Variants in IL1RAPL1 observed in about 807,000 individuals in gnomAD.
IL1RAPL1 encodes the protein interleukin 1 receptor accessory protein like 1, also known as interleukin-1 receptor accessory protein-like 1.
Under a neutral mutation model 48.4 loss-of-function variants are expected in IL1RAPL1, and 3 were observed. The observed-to-expected ratio is 0.06, with a 90% CI of 0.03 to 0.16. The LOEUF is 0.16. Ranked by LOEUF, IL1RAPL1 falls within the 10% of genes least tolerant of loss-of-function variation. The pLI is 1.00. For missense variants in IL1RAPL1, 349 were observed against 530.6 expected (o/e 0.66, Z 3.36); for synonymous variants, 185 against 187.7 (o/e 0.99, Z 0.12).
At chrX:29,056,064 T>G (rs1001727218) in intron 2 of IL1RAPL1, among the ~76,000 whole-genome samples, 4 of 112,088 alleles carry the variant, frequency 3.6e-5, no homozygotes, top group African/African-American at 1.3e-4. Context: ...TTTTTCCATT[T>G]TACATCCAGA....
chrX:28,816,716 T>C (rs1936875673), intron 2 of IL1RAPL1, among the ~76,000 whole-genome samples: 2 of 111,262 alleles, frequency 1.8e-5, no homozygotes, highest in African/African-American at 6.5e-5. Context: ...AGTGCAAATG[T>C]CCTTTTGGTA....
At chrX:29,391,998 C>G (rs1046815528) in intron 3 of IL1RAPL1, among the ~76,000 whole-genome samples, 2 of 112,072 alleles carry the variant, frequency 1.8e-5, no homozygotes, top group Admixed American at 9.5e-5. Flanking sequence ...GTGTGTGTAC[C>G]TGGTGTGGAC....
intron 2 of IL1RAPL1, among the ~76,000 whole-genome samples, chrX:29,218,818 T>C (rs1306488631): frequency 8.9e-6 from 1 of 112,156 alleles, no homozygotes; most frequent in African/African-American, 3.2e-5. Context: ...AATTATAATA[T>C]TCCCTCAATT....
At chrX:29,693,914 T>A (rs1316777034) in intron 6 of IL1RAPL1, among the ~76,000 whole-genome samples, 1 of 111,443 alleles carries the variant, frequency 9.0e-6, no homozygotes, top group Non-Finnish European at 1.9e-5. Flanking sequence ...TTTTCATATC[T>A]TTTTAGCTTA....
chrX:28,953,815 A>G (rs1223151314), intron 2 of IL1RAPL1, among the ~76,000 whole-genome samples: 2 of 111,418 alleles, frequency 1.8e-5, no homozygotes, highest in African/African-American at 6.5e-5. Flanking sequence ...AAAGGCAGTT[A>G]CTTTAAAATG....
At chrX:28,751,790 C>G (rs1936046403) in intron 1 of IL1RAPL1, among the ~76,000 whole-genome samples, 2 of 111,713 alleles carry the variant, frequency 1.8e-5, no homozygotes, top group South Asian at 7.3e-4. Context: ...AAATGAAATT[C>G]ATCTGTGCAG....
intron 5 of IL1RAPL1, among the ~76,000 whole-genome samples, chrX:29,608,069 T>A (rs1327257177): frequency 8.9e-6 from 1 of 112,393 alleles, no homozygotes; most frequent in Non-Finnish European, 1.9e-5. Flanking sequence ...CTCCACTTGG[T>A]GTGGGCTGTA....
chrX:28,993,970 C>T (rs775580124), intron 2 of IL1RAPL1, among the ~76,000 whole-genome samples: 158 of 111,220 alleles, frequency 1.4e-3, no homozygotes, highest in Middle Eastern at 9.4e-3. Context: ...GTACCAGGTA[C>T]TCTTTTCATC....
At chrX:29,588,371 A>G (rs1923254345) in intron 5 of IL1RAPL1, among the ~76,000 whole-genome samples, 1 of 112,064 alleles carries the variant, frequency 8.9e-6, no homozygotes, top group African/African-American at 3.2e-5. Context: ...ACATGTTCAC[A>G]TTTTTATGTA....
At chrX:28,887,580 A>G (rs997783771) in intron 2 of IL1RAPL1, among the ~76,000 whole-genome samples, 1 of 111,469 alleles carries the variant, frequency 9.0e-6, no homozygotes, top group African/African-American at 3.3e-5. Flanking sequence ...TTCTGAATAT[A>G]GTGACAATCA....
intron 2 of IL1RAPL1, among the ~76,000 whole-genome samples, chrX:29,095,596 G>A (rs1432012998): frequency 3.6e-5 from 4 of 111,197 alleles, no homozygotes; most frequent in African/African-American, 9.8e-5. Flanking sequence ...TAGAATTCTG[G>A]CAAGATTATC....
intron 1 of IL1RAPL1, among the ~76,000 whole-genome samples, chrX:28,727,748 C>T (rs1444321364): frequency 1.8e-5 from 2 of 110,413 alleles, no homozygotes; most frequent in Admixed American, 9.8e-5. Context: ...GCATGAAGGG[C>T]TGTTGAATTT....
rs1461480502 is a variant in IL1RAPL1, at chrX:28,625,766, GTGTT to G, written c.-25+37721_-25+37724del. Among the ~76,000 whole-genome samples the G allele has an allele frequency of 9.1e-5, 10 of 110,400 alleles. No individual in the cohort carries two copies. In the South Asian group the frequency reaches 3.9e-3, roughly 43 times the overall value. On this transcript the variant is annotated intron_variant, in intron 1 of 10. Coordinates refer to ENST00000378993, the MANE Select transcript of IL1RAPL1 (RefSeq NM_014271.4). ...TGTGTGTGTGTGTGTGTGTGTGTGT[GTGTT>G]TTACCAAGAATCTATATAGGTGCTT...
intron 2 of IL1RAPL1, among the ~76,000 whole-genome samples, chrX:29,056,617 G>T (rs898919419): frequency 1.8e-5 from 2 of 111,741 alleles, no homozygotes; most frequent in Non-Finnish European, 3.8e-5. Context: ...CAGACATGAA[G>T]AAAGTATTTC....
intron 6 of IL1RAPL1, among the ~76,000 whole-genome samples, chrX:29,833,689 CTT>C: frequency 8.9e-6 from 1 of 111,734 alleles, no homozygotes. Context: ...AAATCCATCT[CTT>C]GAGAAAATTC....
intron 2 of IL1RAPL1, among the ~76,000 whole-genome samples, chrX:28,854,619 A>G (rs1311710686): frequency 1.8e-5 from 2 of 111,559 alleles, no homozygotes; most frequent in Non-Finnish European, 3.8e-5. Flanking sequence ...ATGTGATGAC[A>G]CACCAGTAAT....
chrX:29,518,574 T>C (rs764560636), intron 5 of IL1RAPL1, among the ~76,000 whole-genome samples: 175 of 111,515 alleles, frequency 1.6e-3, no homozygotes, highest in African/African-American at 5.6e-3. Context: ...TATACACTTA[T>C]CTAGGTCAAT....
At chrX:29,055,299 G>A (rs1288161673) in intron 2 of IL1RAPL1, among the ~76,000 whole-genome samples, 3 of 110,820 alleles carry the variant, frequency 2.7e-5, no homozygotes, top group African/African-American at 9.9e-5. Context: ...TACCTATGAA[G>A]TCTAATGAAA....
intron 2 of IL1RAPL1, among the ~76,000 whole-genome samples, chrX:29,279,240 A>T (rs1490792380): frequency 2.7e-5 from 3 of 111,301 alleles, no homozygotes; most frequent in Non-Finnish European, 3.8e-5. Context: ...GTTTGATGCC[A>T]GTCTGACCAA....
Sources: allele counts gnomAD v4.1 joint callset (sites outside exome capture counted in the v4.1 genomes callset), GRCh38; gene constraint gnomAD v4.1.1; transcripts MANE v1.5; gene names NCBI Gene and HGNC (gene_info 2026-07-23, HGNC 2026-07-21).